Variants in CSMD3 observed in about 807,000 individuals in gnomAD.
CSMD3 encodes CUB and Sushi multiple domains 3, also known as CUB and sushi domain-containing protein 3.
CSMD3 carries 177 observed loss-of-function variants against 435.2 expected under a neutral mutation model. The observed-to-expected ratio is 0.41, with a 90% CI of 0.36 to 0.46. The LOEUF (loss-of-function observed/expected upper bound fraction) is 0.46. Among genes scored for constraint, CSMD3 ranks in the 20% least tolerant of loss-of-function variants. CSMD3 has a pLI of 0.34. For missense variants in CSMD3, 4,265 were observed against 4,504.6 expected, an observed-to-expected ratio of 0.95 and a Z score of 1.52; for synonymous variants, 1,656 against 1,520.5, an observed-to-expected ratio of 1.09 and a Z score of -2.07.
intron 32 of CSMD3, among the ~76,000 whole-genome samples, chr8:112,444,700 G>A (rs762125359): frequency 5.3e-5 from 8 of 152,168 alleles, no homozygotes; most frequent in Non-Finnish European, 1.0e-4. Flanking sequence ...GCTTCCCAAG[G>A]AATAGAAGGG....
intron 12 of CSMD3, among the ~76,000 whole-genome samples, chr8:112,819,324 G>T (rs990649509): frequency 6.6e-6 from 1 of 152,156 alleles, no homozygotes; most frequent in African/African-American, 2.4e-5. Flanking sequence ...AAGTTGAGAG[G>T]AGAGGGTGGC....
rs1283785501 is a variant in CSMD3 at position 112,341,677 on chromosome 8, A to T, written c.6452T>A (p.Leu2151His). ...INLPIGFGVH[L>H]QFVNFSTETI... is the part of the protein sequence containing the mutation. ...TTCTGTAGAAAAATTTACAAACTGGAGATGTACACCTGAAGAAGAAAACAA... is the reference window on the plus strand; with the variant it reads ...TTCTGTAGAAAAATTTACAAACTGGTGATGTACACCTGAAGAAGAAAACAA... The change falls in exon 42 of 71, where the codon CTC becomes CAC. Residue 2151 changes from leucine to histidine, a missense_variant. This residue lies in a region of CSMD3 where 3,255 missense variants were observed against 3,380.2 expected (regional missense o/e 0.96). Transcript: ENST00000297405. The T allele has an allele frequency of 1.8e-5, 28 of 1,597,680 alleles. No homozygotes were observed. Among genetic ancestry groups the T allele is most frequent in the Non-Finnish European group, 2.3e-5 (27 of 1,165,484 alleles).
intron 24 of CSMD3, among the ~76,000 whole-genome samples, chr8:112,562,439 A>T (rs1385453480): frequency 6.6e-6 from 1 of 151,640 alleles, no homozygotes; most frequent in African/African-American, 2.4e-5. Flanking sequence ...CAGAGTATTT[A>T]ACGGTCAATG....
intron 27 of CSMD3, among the ~76,000 whole-genome samples, chr8:112,533,069 G>T (rs999961253): frequency 2.0e-5 from 3 of 151,948 alleles, no homozygotes; most frequent in Admixed American, 1.3e-4. Context: ...ACAACTAAAA[G>T]ATTTTCTTTG....
intron 16 of CSMD3, among the ~76,000 whole-genome samples, chr8:112,679,977 C>G (rs2075852039): frequency 6.6e-6 from 1 of 152,192 alleles, no homozygotes; most frequent in Non-Finnish European, 1.5e-5. Flanking sequence ...CTCACTGTGT[C>G]CTCCCCTGCA....
At chr8:113,351,023 G>C (rs1443682779) in intron 1 of CSMD3, among the ~76,000 whole-genome samples, 1 of 151,558 alleles carries the variant, frequency 6.6e-6, no homozygotes, top group African/African-American at 2.4e-5. Context: ...AAGTCTGAAT[G>C]CATCCTGCCT....
intron 24 of CSMD3, among the ~76,000 whole-genome samples, chr8:112,571,379 C>A (rs13250510): frequency 2.0e-5 from 3 of 152,008 alleles, no homozygotes; most frequent in African/African-American, 7.2e-5. Flanking sequence ...TAAAAAAATT[C>A]TACAGTTCAC....
At chr8:112,518,549 T>C (rs1823924458) in intron 27 of CSMD3, among the ~76,000 whole-genome samples, 1 of 151,714 alleles carries the variant, frequency 6.6e-6, no homozygotes, top group Admixed American at 6.6e-5. Context: ...GCATCATGCA[T>C]CAAAGAATCT....
chr8:112,488,932 G>T (rs1321310000), intron 31 of CSMD3, among the ~76,000 whole-genome samples: 3 of 151,942 alleles, frequency 2.0e-5, no homozygotes, highest in Non-Finnish European at 4.4e-5. Flanking sequence ...CCAATAAGAG[G>T]ATAGAGAGGG....
chr8:112,587,983 C>T (rs573601088), intron 22 of CSMD3, among the ~76,000 whole-genome samples: 3 of 151,586 alleles, frequency 2.0e-5, no homozygotes, highest in South Asian at 2.1e-4. Context: ...AAATTTAGTT[C>T]GAACTTAATT....
chr8:112,499,429 T>C (rs1374126915), intron 30 of CSMD3, among the ~76,000 whole-genome samples: 2 of 152,020 alleles, frequency 1.3e-5, no homozygotes, highest in East Asian at 1.9e-4. Flanking sequence ...AAGATGAATA[T>C]TTAACAATAT....
rs184999751 is a variant in CSMD3, at chr8:112,338,297, C to G, written c.6653-566G>C. 3.4e-4 allele frequency among the ~76,000 whole-genome samples: 51 copies of G among 152,224 alleles called. No individual in the cohort carries two copies. The East Asian group carries it at 8.7e-3, about 26-fold the overall frequency. On this transcript the variant is annotated intron_variant, in intron 42 of 70. Transcript: ENST00000297405. Reference sequence around the variant, plus strand: ...TACTTCAGTTATGGGATAATTTGGGCAATGCAGTATAATTGCCTATTTATT... The same window carrying G: ...TACTTCAGTTATGGGATAATTTGGGGAATGCAGTATAATTGCCTATTTATT...
chr8:112,856,246 A>G lies in CSMD3; in HGVS notation c.1755+2899T>C, dbSNP rs115899989. Among the ~76,000 whole-genome samples the G allele has an allele frequency of 7.7e-3, 1,171 of 152,070 alleles. 14 individuals are homozygous for G. Among genetic ancestry groups the G allele is most frequent in the African/African-American group, 0.027 (1,116 of 41,558 alleles). On this transcript the variant is annotated intron_variant, in intron 11 of 70. Transcript: ENST00000297405. Reference sequence around the variant, plus strand: ...GGGCATAAATGAACATCAAAAATGTATATTAGTTTAGATTATAATGCTCAG... The same window carrying G: ...GGGCATAAATGAACATCAAAAATGTGTATTAGTTTAGATTATAATGCTCAG...
rs753484760 is a variant in CSMD3, at chr8:112,234,494, C to A, written c.10628-17G>T. The A allele has an allele frequency of 8.8e-6, 12 of 1,369,266 alleles. No homozygotes were observed. The East Asian group carries it at 2.8e-4, about 31-fold the overall frequency. The allele number at this position is 1,369,266 out of a possible 1,614,324, so 84.8% of individuals were successfully genotyped here. A position where few individuals can be genotyped will look rare whatever the true frequency, so the allele number is the denominator to read the frequency against. On this transcript the variant is annotated splice_polypyrimidine_tract_variant and intron_variant, in intron 67 of 70. Transcript: ENST00000297405. Reference sequence around the variant, plus strand: ...TATATACCCCTGTAAAATGCAAGGACATTTTAGTCTACTTAACTTTGTAAA... The same window carrying A: ...TATATACCCCTGTAAAATGCAAGGAAATTTTAGTCTACTTAACTTTGTAAA...
chr8:112,435,549 A>G (rs1814233901), intron 32 of CSMD3, among the ~76,000 whole-genome samples: 2 of 152,006 alleles, frequency 1.3e-5, no homozygotes, highest in African/African-American at 4.8e-5. Flanking sequence ...CATTTCTAAG[A>G]TTAATTTTCT....
Position 113,290,795 on chromosome 8 carries a change from G to A in CSMD3, c.402-12091C>T, listed in dbSNP as rs543057487. On this transcript the variant is annotated intron_variant, in intron 2 of 70. Transcript: ENST00000297405. ...AATGATCATTATTTTCTTGTCACAT[G>A]AAAAGCCATTCAGTCAATTATTATA... 1.3e-4 allele frequency among the ~76,000 whole-genome samples: 20 copies of A among 151,500 alleles called. No homozygotes were observed. The East Asian group carries it at 2.7e-3, about 21-fold the overall frequency.
intron 5 of CSMD3, among the ~76,000 whole-genome samples, chr8:113,079,450 T>C (rs534944672): frequency 9.2e-5 from 14 of 152,148 alleles, no homozygotes; most frequent in Non-Finnish European, 2.9e-5. Context: ...CAACTCAGCT[T>C]CATTACATTT....
At chr8:112,315,619 A>G (rs575548952) in intron 47 of CSMD3, among the ~76,000 whole-genome samples, 1 of 151,988 alleles carries the variant, frequency 6.6e-6, no homozygotes, top group Non-Finnish European at 1.5e-5. Context: ...TCAGAATAGT[A>G]TAATGGCCAT....
intron 13 of CSMD3, among the ~76,000 whole-genome samples, chr8:112,798,382 G>A (rs1288223057): frequency 7.9e-5 from 12 of 151,800 alleles, no homozygotes; most frequent in Non-Finnish European, 2.9e-5. Flanking sequence ...TTTTGAGCAT[G>A]AGAGTAATAT....
Sources: allele counts gnomAD v4.1 joint callset (sites outside exome capture counted in the v4.1 genomes callset), GRCh38; gene constraint gnomAD v4.1.1; regional missense constraint gnomAD v4.1.1; transcripts MANE v1.5; gene names NCBI Gene and HGNC (gene_info 2026-07-23, HGNC 2026-07-21).